Variants in FMN2 observed in about 807,000 individuals in gnomAD.
FMN2 encodes the protein formin-2.
In FMN2, 51 loss-of-function variants were observed where a neutral mutation model predicts 142.3. The observed-to-expected ratio is 0.36, with a 90% confidence interval of 0.29 to 0.45. The LOEUF (loss-of-function observed/expected upper bound fraction) is 0.45. FMN2 is among the 20% of genes least tolerant of loss of function. FMN2 has a pLI of 1.00. For missense variants in FMN2, 1,936 were observed against 2,122.8 expected (o/e 0.91, Z 1.73); for synonymous variants, 882 against 869.8 (o/e 1.01, Z -0.25).
chr1:240,399,916 A>G (rs77628344), intron 15 of FMN2, among the ~76,000 whole-genome samples: 10,369 of 152,160 alleles, frequency 0.068, 1,178 homozygotes, highest in African/African-American at 0.23. Context: ...AGCTTTAACC[A>G]TTGTGCAGGT....
chr1:240,285,350 C>T (rs1669549823), intron 7 of FMN2: 5 of 452,638 alleles, frequency 1.1e-5, no homozygotes, highest in Admixed American at 2.4e-5. Context: ...GACAGAAGAA[C>T]ATGTATAGAG....
At chr1:240,435,252 GA>G (rs1351400767) in intron 15 of FMN2, among the ~76,000 whole-genome samples, 2 of 149,450 alleles carry the variant, frequency 1.3e-5, no homozygotes, top group Non-Finnish European at 2.9e-5. Context: ...ACTTACAGAT[GA>G]AAAAAACTGA....
chr1:240,348,570 C>T (rs986240659), intron 13 of FMN2, among the ~76,000 whole-genome samples: 7 of 150,034 alleles, frequency 4.7e-5, no homozygotes, highest in Admixed American at 1.3e-4. Flanking sequence ...TTCTGACTGG[C>T]GTGAGATGGA....
chr1:240,157,199 G>T (rs1279293301), intron 2 of FMN2, among the ~76,000 whole-genome samples: 3 of 152,186 alleles, frequency 2.0e-5, no homozygotes, highest in African/African-American at 7.2e-5. Context: ...TGAAGCTGTA[G>T]AGAGGCTTAT....
chr1:240,170,952 A>C (rs1454572021), intron 2 of FMN2: 11 of 787,154 alleles, frequency 1.4e-5, no homozygotes, highest in Non-Finnish European at 2.1e-5. Context: ...CTGATGGAGG[A>C]GTGGACTACT....
intron 1 of FMN2, among the ~76,000 whole-genome samples, chr1:240,110,623 C>T (rs900206635): frequency 9.2e-5 from 14 of 152,146 alleles, no homozygotes; most frequent in African/African-American, 1.7e-4. Flanking sequence ...TAGTGTATGA[C>T]TGCAAAGCTG....
intron 2 of FMN2, among the ~76,000 whole-genome samples, chr1:240,139,921 G>C (rs1281382813): frequency 1.8e-4 from 28 of 152,170 alleles, no homozygotes; most frequent in Admixed American, 1.8e-3. Flanking sequence ...ACCAGAGAGG[G>C]TGAATGGTAG....
At chr1:240,412,954 C>G (rs868176604) in intron 15 of FMN2, among the ~76,000 whole-genome samples, 4 of 151,262 alleles carry the variant, frequency 2.6e-5, no homozygotes, top group African/African-American at 9.7e-5. Context: ...AACCCCGTCT[C>G]TACTAAAAAA....
intron 2 of FMN2, among the ~76,000 whole-genome samples, chr1:240,149,906 G>A (rs1018751769): frequency 1.3e-5 from 2 of 151,866 alleles, no homozygotes; most frequent in African/African-American, 2.4e-5. Flanking sequence ...TAGCATTTGT[G>A]TTTTTTTTCC....
intron 16 of FMN2, among the ~76,000 whole-genome samples, chr1:240,462,107 G>A (rs1676468202): frequency 6.6e-6 from 1 of 152,106 alleles, no homozygotes; most frequent in Non-Finnish European, 1.5e-5. Context: ...TTTGTTCATT[G>A]TAAATTCATC....
chr1:240,263,684 A>T (rs768082650), intron 7 of FMN2, among the ~76,000 whole-genome samples: 22 of 152,166 alleles, frequency 1.4e-4, no homozygotes, highest in Non-Finnish European at 5.9e-5. Context: ...GGTCTCTTAG[A>T]CACTCCCTCT....
chr1:240,387,801 T>C (rs1673453716), intron 14 of FMN2, among the ~76,000 whole-genome samples: 1 of 152,154 alleles, frequency 6.6e-6, no homozygotes, highest in Non-Finnish European at 1.5e-5. Context: ...TCCTACTTTG[T>C]AGTAATACTG....
At chr1:240,328,994 A>G (rs1671290355) in intron 8 of FMN2, 82 bp from the exon 9 acceptor site, 1 of 1,257,002 alleles carries the variant, frequency 8.0e-7, no homozygotes, top group Admixed American at 2.0e-5. Flanking sequence ...CAGATCAGCA[A>G]ATTTATCAAG....
chr1:240,145,387 T>C (rs1663402890), intron 2 of FMN2: 1 of 529,838 alleles, frequency 1.9e-6, no homozygotes, highest in Admixed American at 3.4e-5. Flanking sequence ...CCGCTGCCAC[T>C]GCCCTTTATT....
In FMN2 at chr1:240,432,928, G is replaced by A. The variant is rs541260747; in HGVS notation, c.4911-5133G>A. Among the ~76,000 whole-genome samples the A allele has an allele frequency of 1.1e-4, 16 of 152,116 alleles. No homozygotes were observed. In the East Asian group the frequency reaches 2.9e-3, roughly 28 times the overall value. On this transcript the variant is annotated intron_variant, in intron 15 of 17. Coordinates refer to ENST00000319653, the MANE Select transcript of FMN2 (RefSeq NM_020066.5). The stretch of plus-strand genomic sequence containing the variant: ...TCTATGTTGAATATTTCATGTTCTC[G>A]TGTATATTCTACCATTGGTCATAAT...
At chr1:240,306,004 C>G (rs111804694) in intron 8 of FMN2, among the ~76,000 whole-genome samples, 1 of 147,388 alleles carries the variant, frequency 6.8e-6, no homozygotes, top group South Asian at 2.1e-4. Flanking sequence ...GGCTGGAGTG[C>G]GGTGACGTGA....
intron 7 of FMN2, among the ~76,000 whole-genome samples, chr1:240,292,737 G>C (rs1239720446): frequency 6.6e-6 from 1 of 152,066 alleles, no homozygotes; most frequent in Non-Finnish European, 1.5e-5. Flanking sequence ...TTTAAACTGG[G>C]GAGGAAGTAT....
rs947234210 is a variant in FMN2, at chr1:240,474,352, A to G, written c.*198A>G. On this transcript the variant is annotated 3_prime_UTR_variant, in exon 18 of 18. Coordinates refer to ENST00000319653, the MANE Select transcript of FMN2 (RefSeq NM_020066.5). ...TATAAAAATGCAAACGTACTAGACC[A>G]GTGGAGAATTTGACACCTTTTCTTT... 1 of 511,634 alleles carries G rather than the reference A, an allele frequency of 2.0e-6. No individual in the cohort carries two copies. The highest frequency in any genetic ancestry group is 2.0e-5 in the African/African-American group (1 of 49,520). The allele number at this position is 511,634 out of a possible 1,614,324, so 31.7% of individuals were successfully genotyped here. A position where few individuals can be genotyped will look rare whatever the true frequency, so the allele number is the denominator to read the frequency against.
intron 6 of FMN2, among the ~76,000 whole-genome samples, chr1:240,233,397 A>G (rs974275767): frequency 2.0e-5 from 3 of 152,068 alleles, no homozygotes; most frequent in Non-Finnish European, 2.9e-5. Context: ...AAAAGAAAAA[A>G]AAAAAAAAAG....
Sources: allele counts gnomAD v4.1 joint callset (sites outside exome capture counted in the v4.1 genomes callset), GRCh38; gene constraint gnomAD v4.1.1; transcripts MANE v1.5; gene names NCBI Gene and HGNC (gene_info 2026-07-23, HGNC 2026-07-21).